Variants in PARP11 observed in about 807,000 individuals in gnomAD.
PARP11 encodes the protein poly(ADP-ribose) polymerase family member 11, also known as protein mono-ADP-ribosyltransferase PARP11.
A neutral mutation model predicts 42.9 loss-of-function variants in PARP11; 31 were observed. The ratio of observed to expected loss-of-function variants is 0.72; its 90% CI spans 0.54 to 0.98. The LOEUF is 0.98. PARP11 is among the 50% of genes least tolerant of loss of function. PARP11 has a pLI of 0.00. For missense variants in PARP11, 365 were observed against 413.1 expected, an observed-to-expected ratio of 0.88 and a Z score of 1.01; for synonymous variants, 137 against 127.3, an observed-to-expected ratio of 1.08 and a Z score of -0.51.
intron 1 of PARP11, among the ~76,000 whole-genome samples, chr12:3,847,649 A>G (rs1948028071): frequency 6.6e-6 from 1 of 152,204 alleles, no homozygotes; most frequent in African/African-American, 2.4e-5. Flanking sequence ...ACCCTCAACA[A>G]ACTGGATATA....
intron 4 of PARP11, 38 bp downstream of exon 4, chr12:3,826,120 A>T: frequency 1.5e-6 from 2 of 1,300,884 alleles, no homozygotes; most frequent in Non-Finnish European, 2.1e-6. Flanking sequence ...TAAGAAAAAA[A>T]AAACCCACTC....
At chr12:3,850,074 C>T (rs191524824) in intron 1 of PARP11, among the ~76,000 whole-genome samples, 2 of 151,888 alleles carry the variant, frequency 1.3e-5, no homozygotes, top group African/African-American at 2.4e-5. Flanking sequence ...CAGGTGGGAA[C>T]AAAGCTATAT....
chr12:3,813,564 A>C (rs1947225171), intron 7 of PARP11, among the ~76,000 whole-genome samples: 1 of 152,212 alleles, frequency 6.6e-6, no homozygotes, highest in African/African-American at 2.4e-5. Context: ...CCTTACAGTT[A>C]AATAAGTGGA....
At chr12:3,846,483 G>A (rs1365616062) in intron 1 of PARP11, among the ~76,000 whole-genome samples, 6 of 152,116 alleles carry the variant, frequency 3.9e-5, no homozygotes, top group African/African-American at 1.2e-4. Flanking sequence ...TGGATTGGGC[G>A]CAGTAGCTCA....
intron 1 of PARP11, among the ~76,000 whole-genome samples, chr12:3,871,481 T>A (rs1164359390): frequency 6.6e-6 from 1 of 152,190 alleles, no homozygotes; most frequent in Non-Finnish European, 1.5e-5. Context: ...TTAAGAGCAA[T>A]AGGCTATTCC....
At position 3,810,646 on chromosome 12, in the gene PARP11, AGAAG is replaced by A. The variant is rs71061135; in HGVS notation, c.*1473_*1476del. 0.12 allele frequency: 15,159 copies of A among 121,310 alleles called. 1,020 individuals carry two copies. Among genetic ancestry groups the A allele is most frequent in the East Asian group, 0.15 (559 of 3,680 alleles). The allele number at this position is 121,310 out of a possible 1,614,324, so 7.5% of individuals were successfully genotyped here. A position where few individuals can be genotyped will look rare whatever the true frequency, so the allele number is the denominator to read the frequency against. ...AGGAGGGAGGGAGGGAGGGAGGGAAAGAAGGAAGGAAGGAAGGAAGGAAGGAAGG... is the reference window on the plus strand; with the variant it reads ...AGGAGGGAGGGAGGGAGGGAGGGAAAGAAGGAAGGAAGGAAGGAAGGAAGG... On this transcript the variant is annotated 3_prime_UTR_variant, in exon 8 of 8. Transcript: ENST00000228820.
At chr12:3,819,772 T>G (rs1246839302) in intron 6 of PARP11, among the ~76,000 whole-genome samples, 1 of 152,206 alleles carries the variant, frequency 6.6e-6, no homozygotes, top group Non-Finnish European at 1.5e-5. Flanking sequence ...TCAATCCAAC[T>G]CAACTAAGGC....
At position 3,873,355 on chromosome 12, in the gene PARP11, G is replaced by A. The variant is rs1393600454; in HGVS notation, c.-126C>T. 3.6e-6 allele frequency: 3 copies of A among 840,508 alleles called. No individual in the cohort carries two copies. The highest frequency in any genetic ancestry group is 5.9e-6 in the Non-Finnish European group (3 of 510,304). 52.1% of individuals were successfully genotyped at this position (840,508 alleles called of 1,614,324 possible). On this transcript the variant is annotated 5_prime_UTR_variant, in exon 1 of 8. Coordinates refer to ENST00000228820, the MANE Select transcript of PARP11 (RefSeq NM_020367.6). ...GGACGGAGATGCAACCTTTACGAAGGCCTTCCTCCTCCCCCTCCCTGTCAC... is the reference window on the plus strand; with the variant it reads ...GGACGGAGATGCAACCTTTACGAAGACCTTCCTCCTCCCCCTCCCTGTCAC...
chr12:3,839,179 G>A (rs995205705), intron 1 of PARP11, among the ~76,000 whole-genome samples: 1 of 149,460 alleles, frequency 6.7e-6, no homozygotes, highest in South Asian at 2.1e-4. Context: ...GCCGCCTGCC[G>A]CCGCTCGCGG....
intron 3 of PARP11, among the ~76,000 whole-genome samples, chr12:3,827,728 A>G (rs1947556405): frequency 6.6e-6 from 1 of 152,092 alleles, no homozygotes; most frequent in Non-Finnish European, 1.5e-5. Context: ...GGTTCCATCA[A>G]TCCCTTACTG....
At chr12:3,835,498 A>C (rs1947742199) in intron 1 of PARP11, among the ~76,000 whole-genome samples, 1 of 152,240 alleles carries the variant, frequency 6.6e-6, no homozygotes. Context: ...AAACTTCATA[A>C]AGATGTGATC....
intron 1 of PARP11, among the ~76,000 whole-genome samples, chr12:3,855,328 AGAG>A (rs1459042913): frequency 6.6e-6 from 1 of 152,228 alleles, no homozygotes; most frequent in Non-Finnish European, 1.5e-5. Context: ...AATTAGGAAA[AGAG>A]GAAGTCAAAT....
At position 3,861,344 on chromosome 12, in the gene PARP11, G is replaced by A. The variant is rs1206386647; in HGVS notation, c.18+11868C>T. Among the ~76,000 whole-genome samples the A allele has an allele frequency of 2.0e-5, 3 of 152,170 alleles. No individual in the cohort carries two copies. The highest frequency in any genetic ancestry group is 7.2e-5 in the African/African-American group (3 of 41,430). On this transcript the variant is annotated intron_variant, in intron 1 of 7. Transcript: ENST00000228820. The surrounding 1 kb of genome is among the most constrained non-coding windows in gnomAD (Gnocchi z 4.6). ...TCATGAAGGCAAAGTCCTCATAAAT[G>A]GCATTAAGGCTTTTCTTAATATTTG...
chr12:3,842,136 C>G lies in PARP11; in HGVS notation c.19-12118G>C, dbSNP rs1947902391. Reference sequence around the variant, plus strand: ...TGAACCTAAAAGGACCATTCAAAGTCTGAAAGAAAAAACAGAAAAAGTAAA... The same window carrying G: ...TGAACCTAAAAGGACCATTCAAAGTGTGAAAGAAAAAACAGAAAAAGTAAA... On this transcript the variant is annotated intron_variant, in intron 1 of 7. Transcript: ENST00000228820. 16 of 1,611,904 alleles carry G rather than the reference C, an allele frequency of 9.9e-6. No homozygotes were observed. In the South Asian group the frequency reaches 1.8e-4, roughly 18 times the overall value.
chr12:3,831,608 A>G (rs1228028818), intron 1 of PARP11, among the ~76,000 whole-genome samples: 3 of 152,120 alleles, frequency 2.0e-5, no homozygotes, highest in African/African-American at 2.4e-5. Context: ...CCTGACCTCA[A>G]TGAAGGGGGT....
rs940530763 is a variant in PARP11, at chr12:3,840,481, C to G, written c.19-10463G>C. On this transcript the variant is annotated intron_variant, in intron 1 of 7. Transcript: ENST00000228820. This position sits in a 1 kb window ranked among gnomAD's most constrained non-coding sequence, Gnocchi z 4.4. ...AGTAAGACAACGTGAGTTCTCTAGT[C>G]ATTCTTCAGGGTCACAGTCTCAGAA... The G allele has an allele frequency of 9.3e-6, 15 of 1,612,728 alleles. No individual in the cohort carries two copies. Among genetic ancestry groups the G allele is most frequent in the Admixed American group, 6.7e-5 (4 of 60,008 alleles).
chr12:3,830,534 G>A (rs185627288), intron 1 of PARP11, among the ~76,000 whole-genome samples: 18 of 152,190 alleles, frequency 1.2e-4, no homozygotes, highest in Admixed American at 2.6e-4. Context: ...TCCTGTGAAC[G>A]TGCCTGTATC....
At chr12:3,845,641 T>C (rs1947981143) in intron 1 of PARP11, among the ~76,000 whole-genome samples, 1 of 152,230 alleles carries the variant, frequency 6.6e-6, no homozygotes, top group African/African-American at 2.4e-5. Context: ...GAATACGTAT[T>C]TGGCTACACT....
chr12:3,836,866 A>G (rs1317493873), intron 1 of PARP11, among the ~76,000 whole-genome samples: 1 of 152,208 alleles, frequency 6.6e-6, no homozygotes, highest in Non-Finnish European at 1.5e-5. Flanking sequence ...AGCATCAAGC[A>G]TACAGAAAAC....
Sources: allele counts gnomAD v4.1 joint callset (sites outside exome capture counted in the v4.1 genomes callset), GRCh38; gene constraint gnomAD v4.1.1; non-coding constraint Gnocchi (gnomAD v3.1); transcripts MANE v1.5; gene names NCBI Gene and HGNC (gene_info 2026-07-23, HGNC 2026-07-21).